The following TMEM238L variants were observed in gnomAD, a reference collection of about 807,000 sequenced individuals.
TMEM238L encodes the protein transmembrane protein 238-like.
At chr17:10,797,024 A>G (rs567478986) in intron 1 of TMEM238L, among the ~76,000 whole-genome samples, 2 of 152,292 alleles carry the variant, frequency 1.3e-5, no homozygotes, top group Non-Finnish European at 2.9e-5. Flanking sequence ...TTCCAATAAA[A>G]CACTATCTAC....
chr17:10,801,702 G>T (rs1265075626), intron 1 of TMEM238L, among the ~76,000 whole-genome samples: 5 of 151,908 alleles, frequency 3.3e-5, no homozygotes, highest in Non-Finnish European at 7.4e-5. Context: ...TTGTACTTTT[G>T]TAAGTGTGAA....
intron 1 of TMEM238L, among the ~76,000 whole-genome samples, chr17:10,801,005 T>G (rs1397915216): frequency 6.6e-6 from 1 of 152,074 alleles, no homozygotes; most frequent in Non-Finnish European, 1.5e-5. Context: ...TCCAATTATG[T>G]TAAGCCCCTG....
intron 1 of TMEM238L, among the ~76,000 whole-genome samples, chr17:10,799,704 C>T (rs566172082): frequency 3.3e-5 from 5 of 152,334 alleles, no homozygotes; most frequent in East Asian, 1.9e-4. Flanking sequence ...GTGAGACGAG[C>T]TGCTTTTCAA....
At chr17:10,799,634 G>A (rs1031602822) in intron 1 of TMEM238L, among the ~76,000 whole-genome samples, 2 of 152,212 alleles carry the variant, frequency 1.3e-5, no homozygotes, top group African/African-American at 2.4e-5. Flanking sequence ...CAATCTGCCC[G>A]TAAATCGTGA....
chr17:10,797,218 TAGAG>T (rs58194211), intron 1 of TMEM238L, among the ~76,000 whole-genome samples: 19,012 of 152,058 alleles, frequency 0.13, 2,376 homozygotes, highest in African/African-American at 0.27. Context: ...TTATCTGTAA[TAGAG>T]AGGAATAATA....
At chr17:10,799,567 C>T (rs1904669104) in intron 1 of TMEM238L, among the ~76,000 whole-genome samples, 1 of 152,188 alleles carries the variant, frequency 6.6e-6, no homozygotes, top group African/African-American at 2.4e-5. Flanking sequence ...ATGCAGGGAG[C>T]CCACATTCTT....
exon 1 of TMEM238L, chr17:10,803,825 A>G (rs1442783277): frequency 2.5e-6 from 1 of 399,220 alleles, no homozygotes; most frequent in Non-Finnish European, 4.4e-6. Context: ...GTGTAGATGA[A>G]GAAGTCCCAG....
chr17:10,801,869 C>T (rs551564155), intron 1 of TMEM238L, among the ~76,000 whole-genome samples: 3 of 152,142 alleles, frequency 2.0e-5, no homozygotes, highest in East Asian at 3.9e-4. Flanking sequence ...GCAGCCTGTG[C>T]CTCCTGGGCT....
chr17:10,798,582 G>C (rs1039258833), intron 1 of TMEM238L, among the ~76,000 whole-genome samples: 1 of 152,140 alleles, frequency 6.6e-6, no homozygotes, highest in East Asian at 1.9e-4. Context: ...TTTTGGCTTT[G>C]GTTGGTGTGA....
At chr17:10,798,727 G>A (rs150993018) in intron 1 of TMEM238L, among the ~76,000 whole-genome samples, 13 of 151,916 alleles carry the variant, frequency 8.6e-5, no homozygotes, top group African/African-American at 2.4e-4. Context: ...TGTGGGGGGC[G>A]TGTTTGTGTG....
rs376228990 is a variant in TMEM238L at position 10,800,042 on chromosome 17, C to T, written c.*118+3564G>A. Among the ~76,000 whole-genome samples the T allele has an allele frequency of 1.1e-3, 162 of 152,222 alleles. 1 individual carries two copies. The highest frequency in any genetic ancestry group is 3.5e-3 in the African/African-American group (147 of 41,534). ...CGCCTCCCGGGTCCACGCCATTCTC[C>T]TGCCTCAGCCTCCCAAGTAGCTGGG... On this transcript the variant is annotated intron_variant, in intron 1 of 1. Coordinates refer to ENST00000581851, the Ensembl canonical transcript of TMEM238L.
At chr17:10,799,994 T>G (rs535356459) in intron 1 of TMEM238L, among the ~76,000 whole-genome samples, 2 of 151,168 alleles carry the variant, frequency 1.3e-5, no homozygotes, top group Non-Finnish European at 2.9e-5. Flanking sequence ...TGCAGTGGCG[T>G]GATCTCGGCT....
intron 1 of TMEM238L, among the ~76,000 whole-genome samples, chr17:10,797,338 T>C (rs900974409): frequency 2.0e-5 from 3 of 151,644 alleles, no homozygotes; most frequent in African/African-American, 7.3e-5. Context: ...TGTTCTTTTC[T>C]CCTTTCTTCC....
At chr17:10,796,053 G>A (rs1048761995) in intron 1 of TMEM238L, 105 bp from the exon 2 acceptor site, 29 of 152,280 alleles carry the variant, frequency 1.9e-4, no homozygotes, top group African/African-American at 5.5e-4. Flanking sequence ...GTTGCCAGAC[G>A]TAGGTTTGAA....
chr17:10,803,065 C>T (rs1489727036), intron 1 of TMEM238L, among the ~76,000 whole-genome samples: 1 of 151,966 alleles, frequency 6.6e-6, no homozygotes, highest in African/African-American at 2.4e-5. Context: ...GTAGTCCCTA[C>T]CCCGCTTCTT....
At position 10,802,659 on chromosome 17, in the gene TMEM238L, G is replaced by A. The variant is rs145290942; in HGVS notation, c.*118+947C>T. The stretch of plus-strand genomic sequence containing the variant: ...ACCTTTGCTCTTACTTCTGGTAAGG[G>A]AGTAAGAAACGGGAGTGCCTGGATA... On this transcript the variant is annotated intron_variant, in intron 1 of 1. Coordinates refer to ENST00000581851, the Ensembl canonical transcript of TMEM238L. Among the ~76,000 whole-genome samples, 2,070 of 152,266 alleles carry A rather than the reference G, an allele frequency of 0.014. 22 individuals are homozygous for A. Among genetic ancestry groups the A allele is most frequent in the Middle Eastern group, 0.034 (10 of 292 alleles).
At chr17:10,803,706 C>T (rs1904815303) in exon 1 of TMEM238L, 3 of 399,222 alleles carry the variant, frequency 7.5e-6, no homozygotes, top group Non-Finnish European at 1.3e-5. Context: ...CGTCTCTTCT[C>T]CTCTTCCCAT....
At chr17:10,802,064 T>C (rs1904763094) in intron 1 of TMEM238L, among the ~76,000 whole-genome samples, 1 of 152,198 alleles carries the variant, frequency 6.6e-6, no homozygotes, top group Non-Finnish European at 1.5e-5. Context: ...ATTACAGGCA[T>C]GAGTCACTGT....
intron 1 of TMEM238L, among the ~76,000 whole-genome samples, chr17:10,800,860 A>T (rs1482099489): frequency 6.6e-6 from 1 of 152,148 alleles, no homozygotes; most frequent in Non-Finnish European, 1.5e-5. Flanking sequence ...AAGGCTGTTC[A>T]GGGCACGGAG....
Sources: gnomAD v4.1 joint callset for allele counts (sites outside exome capture counted in the v4.1 genomes callset) on GRCh38, gnomAD v4.1.1 for gene constraint, MANE v1.5 for transcripts, NCBI Gene and HGNC (gene_info 2026-07-23, HGNC 2026-07-21) for gene names.